Variants in PSPC1 observed in about 807,000 individuals in gnomAD.
The protein encoded by PSPC1 is paraspeckle protein 1.
Under a neutral mutation model 51.6 loss-of-function variants are expected in PSPC1, and 14 were observed. The ratio of observed to expected loss-of-function variants is 0.27; its 90% CI spans 0.18 to 0.42. PSPC1 has a LOEUF of 0.42. Among genes scored for constraint, PSPC1 ranks in the 10% least tolerant of loss-of-function variants. PSPC1 has a pLI of 1.00. For synonymous variants in PSPC1, 193 were observed against 231.9 expected, an observed-to-expected ratio of 0.83 and a Z score of 1.53; for missense variants, 406 against 701.1, an observed-to-expected ratio of 0.58 and a Z score of 4.75.
chr13:19,673,277 G>A, downstream of PSPC1: 1 of 369,210 alleles, frequency 2.7e-6, no homozygotes. Context: ...TTATGGAGAA[G>A]TTGAAAATTG....
chr13:19,767,201 G>A lies in PSPC1; in HGVS notation c.674+5041C>T, dbSNP rs1223038534. Reference sequence around the variant, plus strand: ...AAATAAAAATAAAATGGAAAAGCAAGATCTATGACAATCTGAAGAAAGAGC... The same window carrying A: ...AAATAAAAATAAAATGGAAAAGCAAAATCTATGACAATCTGAAGAAAGAGC... On this transcript the variant is annotated intron_variant, in intron 2 of 8. Coordinates refer to ENST00000338910, the MANE Select transcript of PSPC1 (RefSeq NM_001354909.2). Among the ~76,000 whole-genome samples the A allele has an allele frequency of 2.0e-5, 3 of 151,860 alleles. No homozygotes were observed. The East Asian group carries it at 5.8e-4, about 29-fold the overall frequency.
chr13:19,732,082 G>T (rs1354821336), intron 5 of PSPC1, among the ~76,000 whole-genome samples: 1 of 152,086 alleles, frequency 6.6e-6, no homozygotes, highest in African/African-American at 2.4e-5. Context: ...CTAATTCAAA[G>T]ATATGGTGAT....
At chr13:19,762,176 C>T (rs1011224110) in intron 2 of PSPC1, among the ~76,000 whole-genome samples, 12 of 152,180 alleles carry the variant, frequency 7.9e-5, no homozygotes, top group Non-Finnish European at 1.5e-4. Flanking sequence ...TTAATCGATA[C>T]AAACAAGTTT....
chr13:19,725,193 T>C (rs1883235839), intron 6 of PSPC1, among the ~76,000 whole-genome samples: 1 of 151,870 alleles, frequency 6.6e-6, no homozygotes, highest in Non-Finnish European at 1.5e-5. Context: ...GAAAAAAAGA[T>C]TTTAAAATCC....
At chr13:19,760,576 G>A (rs977354689) in intron 2 of PSPC1, among the ~76,000 whole-genome samples, 3 of 151,720 alleles carry the variant, frequency 2.0e-5, no homozygotes, top group African/African-American at 7.3e-5. Flanking sequence ...AAAACATTTC[G>A]GCGAAGTGGC....
At chr13:19,726,775 T>C (rs944572642) in intron 6 of PSPC1, among the ~76,000 whole-genome samples, 4 of 152,212 alleles carry the variant, frequency 2.6e-5, no homozygotes, top group African/African-American at 9.6e-5. Context: ...ACTACACTGC[T>C]AGCCTCTGCC....
At chr13:19,763,771 C>A (rs571837523) in intron 2 of PSPC1, among the ~76,000 whole-genome samples, 3 of 152,234 alleles carry the variant, frequency 2.0e-5, no homozygotes, top group Admixed American at 2.0e-4. Flanking sequence ...GAGGCCAAGG[C>A]AAGTGTATCA....
downstream of PSPC1, among the ~76,000 whole-genome samples, chr13:19,673,853 ATTATAACATT>A (rs1235554443): frequency 6.6e-6 from 1 of 152,194 alleles, no homozygotes; most frequent in Non-Finnish European, 1.5e-5. Context: ...CAAAAGGTTT[ATTATAACATT>A]TAGAAGTACA....
At chr13:19,694,778 GGCC>G (rs1879007349) in intron 6 of PSPC1, among the ~76,000 whole-genome samples, 1 of 152,170 alleles carries the variant, frequency 6.6e-6, no homozygotes, top group Non-Finnish European at 1.5e-5. Flanking sequence ...GCAGAACTGT[GGCC>G]GCTTACTTCA....
At position 19,782,817 on chromosome 13, in the gene PSPC1, ATATATG is replaced by A. The variant is rs1322474853; in HGVS notation, c.-66_-61del. ...CTAGATTTATAGACAGTGTGTCTAT[ATATATG>A]TATACGTCTCTACATAAACCTATGC... On this transcript the variant is annotated 5_prime_UTR_variant, in exon 1 of 9. Coordinates refer to ENST00000338910, the MANE Select transcript of PSPC1 (RefSeq NM_001354909.2). This position sits in a 1 kb window ranked among gnomAD's most constrained non-coding sequence, Gnocchi z 4.5. 8 of 1,464,308 alleles carry A rather than the reference ATATATG, an allele frequency of 5.5e-6. No homozygotes were observed. The Admixed American group carries it at 8.0e-5, about 15-fold the overall frequency. The allele number at this position is 1,464,308 out of a possible 1,614,324, so 90.7% of individuals were successfully genotyped here.
In PSPC1 at chr13:19,782,738, A is replaced by T; in HGVS notation, c.20T>A (p.Leu7Gln). Residue 7 changes from leucine (L) to glutamine (Q), a missense_variant, in exon 1 of 9, where the codon CTG (leucine) becomes CAG (glutamine). By Grantham distance (113) the Leu-to-Gln change is moderately radical (BLOSUM62 -2). Around this residue, in one of 5 missense-constraint regions of PSPC1, gnomAD observed 128 missense variants for 107.1 expected, o/e 1.20. Coordinates refer to ENST00000338910, the MANE Select transcript of PSPC1 (RefSeq NM_001354909.2). The surrounding 1 kb of genome is among the most constrained non-coding windows in gnomAD (Gnocchi z 4.5). ...GTTTTTCTCAATGCGCACTTGCTTC[A>T]GGTTTCCTCTTAACATCATCTTACT... MMLRGN[L>Q]KQVRIEKNPA... 1 of 1,564,780 alleles carries T rather than the reference A, an allele frequency of 6.4e-7. No individual in the cohort carries two copies. The highest frequency in any genetic ancestry group is 8.6e-7 in the Non-Finnish European group (1 of 1,168,118).
At chr13:19,763,522 T>TG (rs1229366518) in intron 2 of PSPC1, among the ~76,000 whole-genome samples, 1 of 152,160 alleles carries the variant, frequency 6.6e-6, no homozygotes, top group Non-Finnish European at 1.5e-5. Context: ...ACTGAGGCCC[T>TG]GGGGTTTACA....
chr13:19,709,736 CTT>C (rs1340275491), intron 6 of PSPC1, 137 bp from the exon 7 acceptor site: 1 of 722,522 alleles, frequency 1.4e-6, no homozygotes, highest in Non-Finnish European at 2.3e-6. Context: ...TCATCATAAA[CTT>C]AATAAGAATG....
At chr13:19,730,075 C>T (rs529918067) in intron 6 of PSPC1, among the ~76,000 whole-genome samples, 164 bp downstream of exon 6, 5 of 152,184 alleles carry the variant, frequency 3.3e-5, no homozygotes, top group African/African-American at 1.2e-4. Context: ...ACTAATTTTA[C>T]TTTACCACCT....
At chr13:19,740,878 C>CA (rs1885370492) in intron 5 of PSPC1, among the ~76,000 whole-genome samples, 1 of 143,788 alleles carries the variant, frequency 7.0e-6, no homozygotes, top group Non-Finnish European at 1.5e-5. Flanking sequence ...TTCCAGAAAT[C>CA]TTTTTTTTTT....
At chr13:19,743,521 G>A (rs1885644613) in intron 4 of PSPC1, among the ~76,000 whole-genome samples, 1 of 152,124 alleles carries the variant, frequency 6.6e-6, no homozygotes, top group Non-Finnish European at 1.5e-5. Context: ...AGTTGCTCCA[G>A]CTATTACATG....
intron 6 of PSPC1, among the ~76,000 whole-genome samples, chr13:19,712,356 G>C (rs1881548453): frequency 6.6e-6 from 1 of 151,888 alleles, no homozygotes; most frequent in Admixed American, 6.6e-5. Flanking sequence ...CTTAACTATT[G>C]GCCTATGATT....
intron 6 of PSPC1, among the ~76,000 whole-genome samples, chr13:19,710,026 T>C (rs1200153958): frequency 6.6e-6 from 1 of 152,250 alleles, no homozygotes; most frequent in African/African-American, 2.4e-5. Flanking sequence ...TGAAATGTAT[T>C]TGAACATATA....
Position 19,732,762 on chromosome 13 carries a change from A to C in PSPC1, c.1053-2418T>G, listed in dbSNP as rs1408277599. 1.3e-5 allele frequency among the ~76,000 whole-genome samples: 2 copies of C among 152,114 alleles called. 1 individual carries two copies. The highest frequency in any genetic ancestry group is 3.9e-4 in the East Asian group (2 of 5,188). On this transcript the variant is annotated intron_variant, in intron 5 of 8. Coordinates refer to ENST00000338910, the MANE Select transcript of PSPC1 (RefSeq NM_001354909.2). ...GGCAACATGGTAAAACCCTGTCTCT[A>C]CTAAAAATACAAAAATTTGCTGGAC...
Sources: allele counts gnomAD v4.1 joint callset (sites outside exome capture counted in the v4.1 genomes callset), GRCh38; gene constraint gnomAD v4.1.1; regional missense constraint gnomAD v4.1.1; non-coding constraint Gnocchi (gnomAD v3.1); transcripts MANE v1.5; gene names NCBI Gene and HGNC (gene_info 2026-07-23, HGNC 2026-07-21).